Variants in KCNIP2 observed in about 807,000 individuals in gnomAD.
The protein encoded by KCNIP2 is potassium voltage-gated channel interacting protein 2.
A neutral mutation model predicts 39.0 loss-of-function variants in KCNIP2; 19 were observed. That is an observed-to-expected ratio of 0.49 (90% CI 0.34 to 0.71). The LOEUF (loss-of-function observed/expected upper bound fraction) is 0.71, where lower values mean the gene tolerates loss of function less well. Among genes scored for constraint, KCNIP2 ranks in the 30% least tolerant of loss-of-function variants. The probability of loss-of-function intolerance (pLI) is 0.01; values close to 1 mark genes in which losing one functional copy is unlikely to be tolerated. For synonymous variants in KCNIP2, 111 were observed against 131.2 expected (o/e 0.85, Z 1.05); for missense variants, 261 against 346.0 (o/e 0.75, Z 1.95).
chr10:101,827,497 T>C (rs1321832531), intron 9 of KCNIP2, 97 bp from the exon 10 acceptor site: 3 of 1,409,506 alleles, frequency 2.1e-6, no homozygotes, highest in East Asian at 4.6e-5. Flanking sequence ...GACGGGGACA[T>C]TCAAAAGCAC....
chr10:101,831,107 C>A lies in KCNIP2; in HGVS notation c.134G>T (p.Cys45Phe). The change falls in exon 2 of 10, where the codon TGC becomes TTC. Residue 45 changes from cysteine (C) to phenylalanine (F), a missense_variant. Physicochemically the swap from Cys to Phe is radical, Grantham distance 205 (BLOSUM62 -2). Coordinates refer to ENST00000356640, the MANE Select transcript of KCNIP2 (RefSeq NM_173191.3). ...LKQRFLKLLP[C>F]CGPQALPSVS... ...TGAGGGCAGGGCTTGGGGCCCGCAG[C>A]ACGGCAGCAGCTTGAGGAATCGCTG... 6.2e-7 allele frequency: 1 copy of A among 1,613,760 alleles called. No homozygotes were observed.
At chr10:101,839,888 G>A (rs1002523106) in intron 1 of KCNIP2, 34 of 1,533,644 alleles carry the variant, frequency 2.2e-5, no homozygotes, top group Non-Finnish European at 2.9e-5. Flanking sequence ...AGGCCCCGGG[G>A]CGGTCCGGTC....
intron 1 of KCNIP2, among the ~76,000 whole-genome samples, chr10:101,836,581 C>G (rs927991239): frequency 5.9e-5 from 9 of 152,146 alleles, no homozygotes; most frequent in African/African-American, 2.2e-4. Flanking sequence ...AGGAAAAAGT[C>G]TATTTAGGGA....
chr10:101,831,877 T>G (rs180997929), intron 1 of KCNIP2, among the ~76,000 whole-genome samples: 183 of 152,306 alleles, frequency 1.2e-3, no homozygotes, highest in Admixed American at 3.3e-3. Context: ...AAGGTTGTCA[T>G]GACACATATC....
At chr10:101,830,627 C>CA (rs1412358341) in intron 2 of KCNIP2, among the ~76,000 whole-genome samples, 4 of 151,936 alleles carry the variant, frequency 2.6e-5, no homozygotes, top group Non-Finnish European at 5.9e-5. Flanking sequence ...ACAGTAGCCA[C>CA]GCCCCCTTAT....
Position 101,829,835 on chromosome 10 carries a change from G to T in KCNIP2, c.223+9C>A, listed in dbSNP as rs1489749782. 6.5e-6 allele frequency: 9 copies of T among 1,376,682 alleles called. No homozygotes were observed. Among genetic ancestry groups the T allele is most frequent in the Middle Eastern group, 1.9e-4 (1 of 5,132 alleles). 85.3% of individuals were successfully genotyped at this position (1,376,682 alleles called of 1,614,324 possible). On this transcript the variant is annotated intron_variant, in intron 3 of 9. Transcript: ENST00000356640. ...GCCCCGCCCCGCCCCCACCAGGAGC[G>T]TAAGTCACCTGGGTCCAGCAGGCGG...
rs966489720 is a variant in KCNIP2 at position 101,830,358 on chromosome 10, AAC to A, written c.170-463_170-462del. On this transcript the variant is annotated intron_variant, in intron 2 of 9. Coordinates refer to ENST00000356640, the MANE Select transcript of KCNIP2 (RefSeq NM_173191.3). The stretch of plus-strand genomic sequence containing the variant: ...GTCACCATCCTGTCGGGGCATAGGC[AAC>A]ACACATCAGGGGTCCAAAACACGGT... 14 of 1,248,608 alleles carry A rather than the reference AAC, an allele frequency of 1.1e-5. No homozygotes were observed. In the African/African-American group the frequency reaches 2.0e-4, roughly 18 times the overall value. The allele number at this position is 1,248,608 out of a possible 1,614,324, so 77.3% of individuals were successfully genotyped here.
chr10:101,842,561 G>C (rs764283904), intron 1 of KCNIP2, among the ~76,000 whole-genome samples: 1 of 152,234 alleles, frequency 6.6e-6, no homozygotes, highest in African/African-American at 2.4e-5. Flanking sequence ...ACATGATTTG[G>C]TGTGGGGAGA....
intron 3 of KCNIP2, 90 bp from the exon 4 acceptor site, chr10:101,829,289 C>T (rs2065871664): frequency 7.0e-7 from 1 of 1,434,944 alleles, no homozygotes; most frequent in South Asian, 1.4e-5. Context: ...TCCCCGCCCC[C>T]CGGTCCCATC....
Position 101,843,365 on chromosome 10 carries a change from C to A in KCNIP2, c.73+131G>T. On this transcript the variant is annotated intron_variant, in intron 1 of 9. Coordinates refer to ENST00000356640, the MANE Select transcript of KCNIP2 (RefSeq NM_173191.3). This position sits in a 1 kb window ranked among gnomAD's most constrained non-coding sequence, Gnocchi z 6.7. ...TTTGAACCCCCAGTGTCCTGCCGCC[C>A]AGACCGGCCATAAGAGTGCCTGGGA... The A allele has an allele frequency of 1.9e-6, 1 of 515,602 alleles. No individual in the cohort carries two copies. Among genetic ancestry groups the A allele is most frequent in the South Asian group, 6.7e-5 (1 of 14,888 alleles). 31.9% of individuals were successfully genotyped at this position (515,602 alleles called of 1,614,324 possible).
intron 1 of KCNIP2, chr10:101,839,941 G>C (rs1320865741): frequency 1.7e-6 from 2 of 1,170,234 alleles, no homozygotes; most frequent in African/African-American, 3.3e-5. Flanking sequence ...GCGCGGGAGG[G>C]CCGGCCCGGC....
intron 1 of KCNIP2, among the ~76,000 whole-genome samples, chr10:101,831,917 G>A (rs185064164): frequency 1.3e-5 from 2 of 152,242 alleles, no homozygotes; most frequent in African/African-American, 4.8e-5. Context: ...GGTCCCCATG[G>A]CACCCAGATA....
At chr10:101,830,780 A>G (rs1405903737) in intron 2 of KCNIP2, among the ~76,000 whole-genome samples, 26 of 132,204 alleles carry the variant, frequency 2.0e-4, no homozygotes, top group Non-Finnish European at 3.1e-4. Flanking sequence ...ACACACACAC[A>G]CGCGCGCGGG....
chr10:101,834,459 T>C (rs1182238620), intron 1 of KCNIP2: 5 of 398,230 alleles, frequency 1.3e-5, no homozygotes, highest in Non-Finnish European at 2.2e-5. Flanking sequence ...CTCCCCAGCC[T>C]GAGTAGGACT....
Position 101,843,565 on chromosome 10 carries a change from G to A in KCNIP2, c.4C>T (p.Arg2Trp), listed in dbSNP as rs751549899. M[R>W]GQGRKESLSD... ...AAACTCTCCTTGCGGCCCTGGCCCC[G>A]CATGGCCCCCGGCGCCCCGCTCCCG... The change falls in exon 1 of 10, where the codon CGG becomes TGG. Residue 2 changes from arginine (R) to tryptophan (W), a missense_variant. By Grantham distance (101) the Arg-to-Trp change is moderately radical. Coordinates refer to ENST00000356640, the MANE Select transcript of KCNIP2 (RefSeq NM_173191.3). The surrounding 1 kb of genome is among the most constrained non-coding windows in gnomAD (Gnocchi z 6.7). 7.8e-6 allele frequency: 12 copies of A among 1,531,812 alleles called. No individual in the cohort carries two copies. Among genetic ancestry groups the A allele is most frequent in the African/African-American group, 7.1e-5 (5 of 70,176 alleles). The allele number at this position is 1,531,812 out of a possible 1,614,324, so 94.9% of individuals were successfully genotyped here. A position where few individuals can be genotyped will look rare whatever the true frequency, so the allele number is the denominator to read the frequency against.
At chr10:101,842,077 T>TA (rs2066352793) in intron 1 of KCNIP2, among the ~76,000 whole-genome samples, 1 of 152,172 alleles carries the variant, frequency 6.6e-6, no homozygotes, top group African/African-American at 2.4e-5. Flanking sequence ...CACCTCATCC[T>TA]AGTCCCCTCC....
At chr10:101,832,719 T>C (rs1290445688) in intron 1 of KCNIP2, among the ~76,000 whole-genome samples, 3 of 152,074 alleles carry the variant, frequency 2.0e-5, no homozygotes, top group Non-Finnish European at 4.4e-5. Flanking sequence ...GCCTGGGGCC[T>C]CCAATGGTGT....
chr10:101,840,197 T>C (rs1287110993), intron 1 of KCNIP2, among the ~76,000 whole-genome samples: 1 of 151,966 alleles, frequency 6.6e-6, no homozygotes, highest in Non-Finnish European at 1.5e-5. Flanking sequence ...GTATCTTTTA[T>C]TGCCCCCTTT....
chr10:101,830,934 C>T, intron 2 of KCNIP2, 138 bp downstream of exon 2: 1 of 812,004 alleles, frequency 1.2e-6, no homozygotes, highest in Non-Finnish European at 2.0e-6. Context: ...ACACGCAGGC[C>T]TGGGGCACGC....
Sources: allele counts gnomAD v4.1 joint callset (sites outside exome capture counted in the v4.1 genomes callset), GRCh38; gene constraint gnomAD v4.1.1; non-coding constraint Gnocchi (gnomAD v3.1); transcripts MANE v1.5; gene names NCBI Gene and HGNC (gene_info 2026-07-23, HGNC 2026-07-21).